Variants in MACROD2 observed in about 807,000 individuals in gnomAD.
MACROD2 encodes the protein mono-ADP ribosylhydrolase 2.
MACROD2 carries 36 observed loss-of-function variants against 70.4 expected under a neutral mutation model. The observed-to-expected ratio is 0.51, with a 90% CI of 0.39 to 0.68. The LOEUF (loss-of-function observed/expected upper bound fraction) is 0.68, where lower values mean the gene tolerates loss of function less well. Ranked by LOEUF, MACROD2 falls within the 30% of genes least tolerant of loss-of-function variation. The pLI, the probability that MACROD2 is intolerant of heterozygous loss-of-function variation, is 0.00. For synonymous variants in MACROD2, 172 were observed against 178.8 expected (o/e 0.96, Z 0.30); for missense variants, 496 against 538.4 (o/e 0.92, Z 0.78).
intron 3 of MACROD2, among the ~76,000 whole-genome samples, chr20:14,412,167 G>A (rs2083756912): frequency 6.6e-6 from 1 of 152,168 alleles, no homozygotes; most frequent in Non-Finnish European, 1.5e-5. Context: ...AGTGAAGGAT[G>A]ACACAGGTTC....
At chr20:15,610,079 T>G (rs1364791149) in intron 8 of MACROD2, among the ~76,000 whole-genome samples, 2 of 152,216 alleles carry the variant, frequency 1.3e-5, no homozygotes, top group East Asian at 3.8e-4. Context: ...ATACTTACAT[T>G]GCAAAATTAT....
At chr20:14,901,175 T>G (rs1431510498) in intron 5 of MACROD2, among the ~76,000 whole-genome samples, 3 of 152,070 alleles carry the variant, frequency 2.0e-5, no homozygotes, top group Non-Finnish European at 4.4e-5. Flanking sequence ...TTTTAACTTT[T>G]ACTTATAGTA....
intron 5 of MACROD2, among the ~76,000 whole-genome samples, chr20:15,166,968 AAATTTAAGTATTT>A (rs1295531467): frequency 1.2e-4 from 18 of 150,606 alleles, no homozygotes; most frequent in African/African-American, 4.1e-4. Flanking sequence ...TTTAAGTATT[AAATTTAAGTATTT>A]AATTTAAGTA....
chr20:14,619,860 G>T (rs987080236), intron 4 of MACROD2, among the ~76,000 whole-genome samples: 5 of 152,126 alleles, frequency 3.3e-5, no homozygotes, highest in Non-Finnish European at 5.9e-5. Context: ...TTGATTAGAT[G>T]GGAGCTCTGT....
rs2077165870 is a variant in MACROD2, at chr20:15,252,640, A to C, written c.540+22579A>C. On this transcript the variant is annotated intron_variant, in intron 6 of 17. Transcript: ENST00000684519. ...CTCCCTCAGGAAAAAGGTATCAAATACTTGTGATTAGTCTACCACTCACTC... is the reference window on the plus strand; with the variant it reads ...CTCCCTCAGGAAAAAGGTATCAAATCCTTGTGATTAGTCTACCACTCACTC... Among the ~76,000 whole-genome samples, 2 of 152,204 alleles carry C rather than the reference A, an allele frequency of 1.3e-5. 1 individual carries two copies. Among genetic ancestry groups the C allele is most frequent in the Admixed American group, 1.3e-4 (2 of 15,282 alleles).
chr20:15,615,082 G>A (rs953738242), intron 8 of MACROD2, among the ~76,000 whole-genome samples: 2 of 152,106 alleles, frequency 1.3e-5, no homozygotes, highest in Admixed American at 6.5e-5. Flanking sequence ...CCTCTATCCC[G>A]AAAGGGTAGC....
chr20:15,040,315 A>G (rs2075345902), intron 5 of MACROD2, among the ~76,000 whole-genome samples: 1 of 108,834 alleles, frequency 9.2e-6, no homozygotes. Context: ...ACTCCGTCTC[A>G]GGAAAAAAAA....
intron 3 of MACROD2, among the ~76,000 whole-genome samples, chr20:14,262,895 A>G (rs1267581618): frequency 6.6e-6 from 1 of 152,212 alleles, no homozygotes; most frequent in Non-Finnish European, 1.5e-5. Context: ...TGAAGAGTAA[A>G]GAGAAAATAA....
chr20:14,743,363 C>T (rs748628704), intron 5 of MACROD2, among the ~76,000 whole-genome samples: 18 of 152,032 alleles, frequency 1.2e-4, no homozygotes, highest in South Asian at 8.3e-4. Context: ...TATTTGGGTG[C>T]GCCCAGTCTA....
intron 8 of MACROD2, among the ~76,000 whole-genome samples, chr20:15,660,814 C>T (rs931653794): frequency 6.6e-6 from 1 of 150,696 alleles, no homozygotes; most frequent in African/African-American, 2.4e-5. Context: ...GCCAAACATT[C>T]AGACCCTTCA....
intron 6 of MACROD2, among the ~76,000 whole-genome samples, chr20:15,344,361 T>C (rs867726612): frequency 4.0e-4 from 61 of 152,102 alleles, no homozygotes; most frequent in Non-Finnish European, 1.9e-4. Context: ...GGAGAAGGCA[T>C]GGTTCATTTT....
chr20:15,778,426 A>G (rs1192492795), intron 8 of MACROD2, among the ~76,000 whole-genome samples: 1 of 152,100 alleles, frequency 6.6e-6, no homozygotes, highest in Non-Finnish European at 1.5e-5. Flanking sequence ...AATTTTTTAA[A>G]TTCTATTCAT....
intron 13 of MACROD2, among the ~76,000 whole-genome samples, chr20:15,969,125 G>A (rs575706850): frequency 1.0e-3 from 158 of 152,102 alleles, no homozygotes; most frequent in African/African-American, 3.6e-3. Flanking sequence ...GTAGATTGGC[G>A]GTGGACTGCT....
chr20:15,634,169 CAG>C (rs1274646892), intron 8 of MACROD2, among the ~76,000 whole-genome samples: 1 of 152,176 alleles, frequency 6.6e-6, no homozygotes, highest in Admixed American at 6.5e-5. Flanking sequence ...TTTGGACACT[CAG>C]AGAAGAGAAT....
At chr20:14,223,109 A>C (rs2081696035) in intron 3 of MACROD2, 1 of 152,306 alleles carries the variant, frequency 6.6e-6, no homozygotes, top group South Asian at 2.1e-4. Context: ...ACTGGAGTCC[A>C]GAAGTTCTGG....
chr20:15,584,787 T>C (rs1893829252), intron 8 of MACROD2, among the ~76,000 whole-genome samples: 1 of 152,214 alleles, frequency 6.6e-6, no homozygotes, highest in South Asian at 2.1e-4. Flanking sequence ...TGGCTGCTTG[T>C]AAAATCATGA....
intron 5 of MACROD2, among the ~76,000 whole-genome samples, chr20:15,196,701 G>A (rs950753204): frequency 6.6e-6 from 1 of 152,104 alleles, no homozygotes; most frequent in African/African-American, 2.4e-5. Flanking sequence ...TTTAAATTAT[G>A]TTTCATTGTT....
At chr20:15,039,819 C>G (rs1473056418) in intron 5 of MACROD2, among the ~76,000 whole-genome samples, 1 of 152,098 alleles carries the variant, frequency 6.6e-6, no homozygotes, top group Non-Finnish European at 1.5e-5. Flanking sequence ...TTCATCATCC[C>G]TTTTGTTTTC....
chr20:15,924,291 G>A (rs995453207), intron 10 of MACROD2, among the ~76,000 whole-genome samples: 2 of 152,146 alleles, frequency 1.3e-5, no homozygotes, highest in Admixed American at 1.3e-4. Flanking sequence ...ATTATACCTT[G>A]GAGAGAAAAT....
Sources: allele counts gnomAD v4.1 joint callset (sites outside exome capture counted in the v4.1 genomes callset), GRCh38; gene constraint gnomAD v4.1.1; transcripts MANE v1.5; gene names NCBI Gene and HGNC (gene_info 2026-07-23, HGNC 2026-07-21).